Variants in EXOC5 observed in about 807,000 individuals in gnomAD.
EXOC5 encodes exocyst complex component 5, also known as SEC10-like 1.
Under a neutral mutation model 90.8 loss-of-function variants are expected in EXOC5, and 17 were observed. The ratio of observed to expected loss-of-function variants is 0.19; its 90% CI spans 0.13 to 0.28. The LOEUF is 0.28. EXOC5 is among the 10% of genes least tolerant of loss of function. The probability of loss-of-function intolerance (pLI) is 1.00; values close to 1 mark genes in which losing one functional copy is unlikely to be tolerated. For synonymous variants in EXOC5, 260 were observed against 270.0 expected (o/e 0.96, Z 0.36); for missense variants, 569 against 830.6 (o/e 0.69, Z 3.87).
intron 1 of EXOC5, among the ~76,000 whole-genome samples, chr14:57,261,936 G>C (rs1352456601): frequency 3.3e-5 from 5 of 152,168 alleles, no homozygotes; most frequent in Non-Finnish European, 7.3e-5. Context: ...AGTGAACACA[G>C]AACCTACTTC....
intron 4 of EXOC5, among the ~76,000 whole-genome samples, chr14:57,240,545 G>A (rs967904510): frequency 4.6e-5 from 7 of 151,866 alleles, no homozygotes. Context: ...GCCTCCCAAA[G>A]TGCTGGGATT....
intron 1 of EXOC5, among the ~76,000 whole-genome samples, chr14:57,256,734 C>G (rs186940342): frequency 2.6e-5 from 4 of 152,278 alleles, no homozygotes; most frequent in Admixed American, 2.6e-4. Context: ...AGACACTTCA[C>G]CCAATGTCAT....
rs891001842 is a variant in EXOC5 at position 57,207,677 on chromosome 14, T to C, written c.*932A>G. 2.6e-5 allele frequency: 4 copies of C among 152,110 alleles called. No homozygotes were observed. The highest frequency in any genetic ancestry group is 9.7e-5 in the African/African-American group (4 of 41,440). 9.4% of individuals were successfully genotyped at this position (152,110 alleles called of 1,614,324 possible). A position where few individuals can be genotyped will look rare whatever the true frequency, so the allele number is the denominator to read the frequency against. On this transcript the variant is annotated 3_prime_UTR_variant, in exon 18 of 18. Transcript: ENST00000621441. The stretch of plus-strand genomic sequence containing the variant: ...CCACATGTTCAGCCATTCCATCTTA[T>C]TCAAGTTTAGCATTACGACAGAAAT...
intron 11 of EXOC5, 55 bp from the exon 12 acceptor site, chr14:57,229,936 CTT>C: frequency 9.0e-7 from 1 of 1,110,680 alleles, no homozygotes; most frequent in Non-Finnish European, 1.2e-6. Context: ...TAGATTTCAA[CTT>C]TGAGTACTTC....
At chr14:57,268,593 C>G in intron 1 of EXOC5, 29 bp downstream of exon 1, 1 of 1,584,118 alleles carries the variant, frequency 6.3e-7, no homozygotes, top group South Asian at 1.1e-5. Flanking sequence ...CCCGGGCCTG[C>G]CACTCCCTGT....
At chr14:57,265,866 G>A (rs908646725) in intron 1 of EXOC5, among the ~76,000 whole-genome samples, 1 of 152,184 alleles carries the variant, frequency 6.6e-6, no homozygotes, top group Non-Finnish European at 1.5e-5. Context: ...TTTTCAGAAA[G>A]ATCTGTCAAC....
chr14:57,208,699 T>C lies in EXOC5; in HGVS notation c.2037A>G (p.Gln679=), dbSNP rs775813973. The C allele has an allele frequency of 3.1e-6, 5 of 1,612,580 alleles. No homozygotes were observed. The change falls in exon 18 of 18, where the codon CAA becomes CAG. Residue 679 remains glutamine (Q), a synonymous_variant. Coordinates refer to ENST00000621441, the MANE Select transcript of EXOC5 (RefSeq NM_006544.4). The part of the protein sequence containing the change: ...DNLKQVCSGE[Q]LANLDKNILH... ...GTATATTCTTGTCCAGATTAGCAAG[T>C]TGTTCTCCTGAGCAGACTTGCTTTA...
chr14:57,260,374 AAAT>A (rs1884464342), intron 1 of EXOC5, among the ~76,000 whole-genome samples: 1 of 152,200 alleles, frequency 6.6e-6, no homozygotes. Context: ...ACTACAAAAT[AAAT>A]AATTTTACTT....
intron 1 of EXOC5, among the ~76,000 whole-genome samples, chr14:57,248,016 CA>C (rs1289267350): frequency 2.0e-5 from 3 of 148,800 alleles, no homozygotes; most frequent in African/African-American, 4.9e-5. Context: ...ATAAAATGGT[CA>C]AAAAAATTAT....
chr14:57,222,266 A>G (rs375836989), intron 13 of EXOC5, 42 bp downstream of exon 13: 1 of 973,224 alleles, frequency 1.0e-6, no homozygotes, highest in Non-Finnish European at 1.6e-6. Context: ...AACCAAGCAG[A>G]ATCAAAAGAA....
rs1594664256 is a variant in EXOC5 at position 57,233,983 on chromosome 14, G to A, written c.714+5C>T. 6.2e-7 allele frequency: 1 copy of A among 1,600,888 alleles called. No individual in the cohort carries two copies. On this transcript the variant is annotated splice_donor_5th_base_variant and intron_variant, in intron 8 of 17. Transcript: ENST00000621441. The stretch of plus-strand genomic sequence containing the variant: ...AATATCCAACAAAGTGTACTGTTAT[G>A]TTACCTCCTGGCACTGCTTTATATA...
chr14:57,219,613 A>G (rs1412831548), intron 13 of EXOC5, among the ~76,000 whole-genome samples, 171 bp from the exon 14 acceptor site: 2 of 152,098 alleles, frequency 1.3e-5, no homozygotes, highest in Non-Finnish European at 2.9e-5. Context: ...GCTTAAACTT[A>G]TACTAGTAAA....
intron 12 of EXOC5, among the ~76,000 whole-genome samples, chr14:57,227,747 G>T (rs1052856221): frequency 5.9e-5 from 9 of 151,980 alleles, no homozygotes; most frequent in Non-Finnish European, 1.2e-4. Flanking sequence ...TCTTTGACTT[G>T]TTTTCTATTG....
intron 5 of EXOC5, among the ~76,000 whole-genome samples, chr14:57,238,365 TATATATATATACACACACACACAC>T (rs1463264710): frequency 1.1e-5 from 1 of 92,338 alleles, no homozygotes; most frequent in African/African-American, 3.6e-5. Context: ...TATATATATA[TATATATATATACACACACACACAC>T]ACACACACAC....
chr14:57,242,132 G>GAA lies in EXOC5; in HGVS notation c.465+2031_465+2032dup, dbSNP rs556701550. Among the ~76,000 whole-genome samples, 8 of 77,830 alleles carry GAA rather than the reference G, an allele frequency of 1.0e-4. No individual in the cohort carries two copies. The South Asian group carries it at 3.0e-3, about 29-fold the overall frequency. 51.1% of individuals were successfully genotyped at this position (77,830 alleles called of 152,430 possible). ...TGGGGGACAGAGCGAGACTCCGTCTGAAAAAAAAAAAAAAGAAAAAAAAGA... is the reference window on the plus strand; with the variant it reads ...TGGGGGACAGAGCGAGACTCCGTCTGAAAAAAAAAAAAAAAAGAAAAAAAAGA... On this transcript the variant is annotated intron_variant, in intron 4 of 17. Transcript: ENST00000621441.
Position 57,205,743 on chromosome 14 carries a change from GA to G in EXOC5, c.*2865del. The G allele has an allele frequency of 2.6e-6, 1 of 385,910 alleles. No individual in the cohort carries two copies. Among genetic ancestry groups the G allele is most frequent in the Non-Finnish European group, 5.0e-6 (1 of 200,552 alleles). The allele number at this position is 385,910 out of a possible 1,614,324, so 23.9% of individuals were successfully genotyped here. A position where few individuals can be genotyped will look rare whatever the true frequency, so the allele number is the denominator to read the frequency against. On this transcript the variant is annotated 3_prime_UTR_variant, in exon 18 of 18. Coordinates refer to ENST00000621441, the MANE Select transcript of EXOC5 (RefSeq NM_006544.4). ...GAAAGCAAAATATTTAGAAGTGAAA[GA>G]GGGGGGAAAAAAGAATGATCTACAA...
At chr14:57,254,368 G>A (rs963125961) in intron 1 of EXOC5, among the ~76,000 whole-genome samples, 2 of 151,886 alleles carry the variant, frequency 1.3e-5, no homozygotes, top group Non-Finnish European at 2.9e-5. Flanking sequence ...TCGTGAGGCA[G>A]AGGTTGCAGT....
chr14:57,235,419 A>C (rs1883626607), intron 7 of EXOC5, among the ~76,000 whole-genome samples: 1 of 152,124 alleles, frequency 6.6e-6, no homozygotes, highest in African/African-American at 2.4e-5. Context: ...ATGTGGAAGC[A>C]AAAAGGCAGA....
At chr14:57,246,082 A>C (rs1007309921) in intron 3 of EXOC5, among the ~76,000 whole-genome samples, 4 of 151,992 alleles carry the variant, frequency 2.6e-5, no homozygotes, top group Admixed American at 1.3e-4. Flanking sequence ...ATTCCAGATA[A>C]GGCCCAGCCT....
Sources: allele counts gnomAD v4.1 joint callset (sites outside exome capture counted in the v4.1 genomes callset), GRCh38; gene constraint gnomAD v4.1.1; transcripts MANE v1.5; gene names NCBI Gene and HGNC (gene_info 2026-07-23, HGNC 2026-07-21).